GALNT13: variants seen among roughly 807,000 people sequenced by gnomAD.
GALNT13 encodes the protein UDP-GalNAc:polypeptide N-acetylgalactosaminyltransferase 13.
In GALNT13, 28 loss-of-function variants were observed where a neutral mutation model predicts 64.2. The ratio of observed to expected loss-of-function variants is 0.44; its 90% confidence interval spans 0.32 to 0.60. The LOEUF is 0.60. GALNT13 is among the 20% of genes least tolerant of loss of function. The probability of loss-of-function intolerance (pLI) is 0.05; values close to 1 mark genes in which losing one functional copy is unlikely to be tolerated. For synonymous variants in GALNT13, 214 were observed against 224.6 expected, an observed-to-expected ratio of 0.95 and a Z score of 0.42; for missense variants, 577 against 669.8, an observed-to-expected ratio of 0.86 and a Z score of 1.53.
At chr2:154,420,598 C>A (rs969819908) in intron 11 of GALNT13, among the ~76,000 whole-genome samples, 1 of 152,100 alleles carries the variant, frequency 6.6e-6, no homozygotes, top group Non-Finnish European at 1.5e-5. Context: ...GATTTGAATG[C>A]ATGAGTCTAC....
chr2:153,263,576 A>G, the GALNT13 span, among the ~76,000 whole-genome samples: 1 of 152,202 alleles, frequency 6.6e-6, no homozygotes, highest in Non-Finnish European at 1.5e-5. Context: ...CCAAAGCAGC[A>G]TGGTACTGGT....
At chr2:154,258,597 T>C (rs1690513038) in intron 7 of GALNT13, among the ~76,000 whole-genome samples, 1 of 152,074 alleles carries the variant, frequency 6.6e-6, no homozygotes, top group African/African-American at 2.4e-5. Context: ...CTTTTCATAG[T>C]GAAACCATGT....
the GALNT13 span, among the ~76,000 whole-genome samples, chr2:153,493,301 G>A: frequency 1.3e-5 from 2 of 151,916 alleles, no homozygotes; most frequent in Admixed American, 1.3e-4. Context: ...GAGAGAAAAG[G>A]AGGGAGAAAG....
intron 3 of GALNT13, among the ~76,000 whole-genome samples, chr2:154,072,242 T>C (rs746974859): frequency 1.3e-5 from 2 of 152,136 alleles, no homozygotes; most frequent in Non-Finnish European, 2.9e-5. Flanking sequence ...ATTTTAAAGA[T>C]GCTATGCTAA....
chr2:154,350,762 T>C (rs557637528), intron 9 of GALNT13, among the ~76,000 whole-genome samples: 10 of 152,238 alleles, frequency 6.6e-5, no homozygotes, highest in African/African-American at 2.4e-4. Context: ...GTAGCCCTCA[T>C]ATGCTCATGA....
chr2:153,404,414 A>G, the GALNT13 span, among the ~76,000 whole-genome samples: 8 of 152,200 alleles, frequency 5.3e-5, no homozygotes, highest in Non-Finnish European at 1.2e-4. Flanking sequence ...GACTTTTATT[A>G]TGTGACAAGT....
At chr2:153,984,259 T>G (rs1476996682) in intron 3 of GALNT13, among the ~76,000 whole-genome samples, 1 of 151,874 alleles carries the variant, frequency 6.6e-6, no homozygotes, top group South Asian at 2.1e-4. Context: ...TTAAATTATT[T>G]TTATAATTGA....
the GALNT13 span, among the ~76,000 whole-genome samples, chr2:153,837,388 A>T: frequency 6.6e-6 from 1 of 151,800 alleles, no homozygotes; most frequent in African/African-American, 2.4e-5. Flanking sequence ...GTTTGAGTTC[A>T]TTGTAGATTC....
chr2:154,251,630 C>T (rs1306942531), intron 7 of GALNT13, among the ~76,000 whole-genome samples: 1 of 152,166 alleles, frequency 6.6e-6, no homozygotes, highest in Non-Finnish European at 1.5e-5. Flanking sequence ...AATTTCTTCT[C>T]TACAGAAAGC....
chr2:153,222,332 T>TGGGGGGGGGGGGGGGGG, the GALNT13 span, among the ~76,000 whole-genome samples: 13 of 103,784 alleles, frequency 1.3e-4, no homozygotes, highest in Non-Finnish European at 2.2e-4. Flanking sequence ...GGGGGTGGGG[T>TGGGGGGGGGGGGGGGGG]GGGGGGGGGG....
chr2:154,117,798 G>A (rs1021259218), intron 3 of GALNT13, among the ~76,000 whole-genome samples: 1 of 152,146 alleles, frequency 6.6e-6, no homozygotes, highest in Non-Finnish European at 1.5e-5. Flanking sequence ...GTAAGAGAAA[G>A]AAACTGGATC....
At chr2:153,386,589 C>T in the GALNT13 span, among the ~76,000 whole-genome samples, 2 of 152,080 alleles carry the variant, frequency 1.3e-5, no homozygotes, top group Admixed American at 1.3e-4. Flanking sequence ...TAGTAAAAGT[C>T]ACCCAGGGAG....
chr2:153,319,429 A>G, the GALNT13 span, among the ~76,000 whole-genome samples: 38 of 152,062 alleles, frequency 2.5e-4, no homozygotes, highest in African/African-American at 8.9e-4. Context: ...GCATATCCCC[A>G]TGCCCAGGTA....
the GALNT13 span, among the ~76,000 whole-genome samples, chr2:153,464,512 A>G: frequency 3.3e-5 from 5 of 152,100 alleles, no homozygotes; most frequent in South Asian, 8.3e-4. Context: ...CTTCCGGGCT[A>G]TGTTTAATCA....
chr2:154,346,286 G>A (rs1034028815), intron 9 of GALNT13, among the ~76,000 whole-genome samples: 1 of 151,970 alleles, frequency 6.6e-6, no homozygotes, highest in Non-Finnish European at 1.5e-5. Context: ...TAAAATGCTA[G>A]GAAAATGTCA....
intron 3 of GALNT13, among the ~76,000 whole-genome samples, chr2:154,006,972 G>T (rs543233892): frequency 6.6e-6 from 1 of 152,174 alleles, no homozygotes; most frequent in East Asian, 1.9e-4. Flanking sequence ...ACTGTGACTA[G>T]ATTCAATTTT....
At position 153,997,173 on chromosome 2, in the gene GALNT13, C is replaced by T. The variant is rs569341544; in HGVS notation, c.142+52534C>T. Among the ~76,000 whole-genome samples, 10 of 152,074 alleles carry T rather than the reference C, an allele frequency of 6.6e-5. No homozygotes were observed. In the South Asian group the frequency reaches 2.1e-3, roughly 32 times the overall value. ...ATTCTGGGTCTTTTGTGGTTCCATA[C>T]AACTTTAGGATTGCTTTTTCTATTT... On this transcript the variant is annotated intron_variant, in intron 3 of 12. Coordinates refer to ENST00000392825, the MANE Select transcript of GALNT13 (RefSeq NM_052917.4).
At chr2:154,392,086 T>C (rs1182299202) in intron 9 of GALNT13, among the ~76,000 whole-genome samples, 1 of 152,126 alleles carries the variant, frequency 6.6e-6, no homozygotes, top group African/African-American at 2.4e-5. Context: ...GTGGGATGTT[T>C]GAAGAAATGT....
chr2:154,174,447 G>T (rs975384204), intron 4 of GALNT13, among the ~76,000 whole-genome samples: 3 of 152,098 alleles, frequency 2.0e-5, no homozygotes, highest in African/African-American at 7.2e-5. Flanking sequence ...ATTAAATTCA[G>T]GTAGATAAAT....
Sources: gnomAD v4.1 joint callset for allele counts (sites outside exome capture counted in the v4.1 genomes callset) on GRCh38, gnomAD v4.1.1 for gene constraint, MANE v1.5 for transcripts, NCBI Gene and HGNC (gene_info 2026-07-23, HGNC 2026-07-21) for gene names.